The following MYO16 variants were observed in gnomAD, a reference collection of about 807,000 sequenced individuals.
MYO16 encodes the protein myosin XVI.
A neutral mutation model predicts 205.3 loss-of-function variants in MYO16; 94 were observed. The ratio of observed to expected loss-of-function variants is 0.46; its 90% CI spans 0.39 to 0.54. The LOEUF (loss-of-function observed/expected upper bound fraction) is 0.54, where lower values mean the gene tolerates loss of function less well. Ranked by LOEUF, MYO16 falls within the 20% of genes least tolerant of loss-of-function variation. The pLI, the probability that MYO16 is intolerant of heterozygous loss-of-function variation, is 0.00. For synonymous variants in MYO16, 988 were observed against 954.0 expected, an observed-to-expected ratio of 1.04 and a Z score of -0.66; for missense variants, 2,315 against 2,387.5, an observed-to-expected ratio of 0.97 and a Z score of 0.63.
At chr13:108,500,214 TTTTTTTG>T in the MYO16 span, among the ~76,000 whole-genome samples, 4 of 5,678 alleles carry the variant, frequency 7.0e-4, no homozygotes, top group South Asian at 0.021. Flanking sequence ...CTGTTTTTTT[TTTTTTTG>T]TTTTTTTTTT....
At chr13:109,168,603 T>A (rs1439459915) in intron 33 of MYO16, among the ~76,000 whole-genome samples, 2 of 152,100 alleles carry the variant, frequency 1.3e-5, no homozygotes, top group African/African-American at 2.4e-5. Flanking sequence ...TATATGCCTT[T>A]AATCCCGGCG....
At chr13:108,696,044 A>T (rs1176440413) in intron 2 of MYO16, among the ~76,000 whole-genome samples, 1 of 152,240 alleles carries the variant, frequency 6.6e-6, no homozygotes, top group African/African-American at 2.4e-5. Flanking sequence ...GTTTGAATTT[A>T]AAAAATAAGT....
At chr13:109,030,681 A>G (rs554823113) in intron 23 of MYO16, among the ~76,000 whole-genome samples, 2 of 152,192 alleles carry the variant, frequency 1.3e-5, no homozygotes, top group East Asian at 1.9e-4. Flanking sequence ...TGATTCCCAG[A>G]TCTCCACTCT....
chr13:109,032,386 G>C (rs542748470), intron 23 of MYO16, among the ~76,000 whole-genome samples: 6 of 152,042 alleles, frequency 3.9e-5, no homozygotes, highest in Non-Finnish European at 7.3e-5. Flanking sequence ...CCACATCGTC[G>C]CACATATCCC....
At chr13:108,526,966 A>G in the MYO16 span, among the ~76,000 whole-genome samples, 1 of 152,208 alleles carries the variant, frequency 6.6e-6, no homozygotes, top group African/African-American at 2.4e-5. Context: ...TGGAAAGGCA[A>G]TAGAGTCTGC....
chr13:108,603,828 T>C (rs1878854930), intron 1 of MYO16, among the ~76,000 whole-genome samples: 2 of 152,346 alleles, frequency 1.3e-5, no homozygotes, highest in South Asian at 2.1e-4. Context: ...CCAAATCTTT[T>C]TTTCTTAAAC....
At chr13:108,500,494 C>CA in the MYO16 span, among the ~76,000 whole-genome samples, 1 of 152,068 alleles carries the variant, frequency 6.6e-6, no homozygotes, top group Non-Finnish European at 1.5e-5. Flanking sequence ...TCCCAAAGTG[C>CA]TGGGATTACA....
chr13:109,041,987 C>A (rs1392813235), intron 23 of MYO16, among the ~76,000 whole-genome samples: 2 of 152,026 alleles, frequency 1.3e-5, no homozygotes, highest in Non-Finnish European at 2.9e-5. Context: ...GCCTCAGCCT[C>A]CCGAGTAGCT....
At chr13:108,797,073 G>A (rs1886818018) in intron 6 of MYO16, among the ~76,000 whole-genome samples, 2 of 152,122 alleles carry the variant, frequency 1.3e-5, no homozygotes, top group African/African-American at 4.8e-5. Flanking sequence ...AGTGCAATTG[G>A]ACCTCCTAAT....
intron 27 of MYO16, among the ~76,000 whole-genome samples, chr13:109,069,129 G>A (rs1334166038): frequency 2.0e-5 from 3 of 152,134 alleles, no homozygotes; most frequent in Non-Finnish European, 4.4e-5. Context: ...CAATAGCCTC[G>A]ATATCCCTCC....
rs1243134002 is a variant in MYO16 at position 108,844,324 on chromosome 13, T to C, written c.1098-19T>C. On this transcript the variant is annotated intron_variant, in intron 9 of 34. Coordinates refer to ENST00000457511, the MANE Select transcript of MYO16 (RefSeq NM_001198950.3). ...CATTAGAAAGAGACTAATTGTAGTATTGATTTTTTTTCCTGTAGCAGTCCC... is the reference window on the plus strand; with the variant it reads ...CATTAGAAAGAGACTAATTGTAGTACTGATTTTTTTTCCTGTAGCAGTCCC... 6.3e-7 allele frequency: 1 copy of C among 1,599,202 alleles called. No homozygotes were observed. Among genetic ancestry groups the C allele is most frequent in the South Asian group, 1.1e-5 (1 of 89,440 alleles).
chr13:108,910,300 A>G (rs768983162), intron 16 of MYO16, 150 bp downstream of exon 16: 18 of 821,600 alleles, frequency 2.2e-5, no homozygotes, highest in Admixed American at 1.0e-4. Context: ...CATCCACATA[A>G]CAAGGTTCCC....
At chr13:108,814,435 C>A (rs1887388084) in intron 7 of MYO16, among the ~76,000 whole-genome samples, 1 of 151,070 alleles carries the variant, frequency 6.6e-6, no homozygotes, top group Non-Finnish European at 1.5e-5. Context: ...CTTTCATTTT[C>A]TTCTTTCCTT....
Position 109,127,200 on chromosome 13 carries a change from G to T in MYO16, c.3783-82G>T. The stretch of plus-strand genomic sequence containing the variant: ...TTGCCAAAAAGCCGTCATTATGTCT[G>T]CTTGAGCAGGTTCCTTGTTACCGGA... On this transcript the variant is annotated intron_variant, in intron 30 of 34. Coordinates refer to ENST00000457511, the MANE Select transcript of MYO16 (RefSeq NM_001198950.3). This position sits in a 1 kb window ranked among gnomAD's most constrained non-coding sequence, Gnocchi z 4.2. The T allele has an allele frequency of 1.4e-6, 2 of 1,465,190 alleles. No homozygotes were observed. The highest frequency in any genetic ancestry group is 2.3e-5 in the East Asian group (1 of 42,670). The allele number at this position is 1,465,190 out of a possible 1,614,324, so 90.8% of individuals were successfully genotyped here. A position where few individuals can be genotyped will look rare whatever the true frequency, so the allele number is the denominator to read the frequency against.
At chr13:109,018,005 T>C (rs1168672984) in intron 22 of MYO16, among the ~76,000 whole-genome samples, 1 of 152,194 alleles carries the variant, frequency 6.6e-6, no homozygotes. Flanking sequence ...CTTTGTTCTG[T>C]TGCTGGTGAG....
chr13:108,650,509 T>C (rs1000589728), intron 1 of MYO16, among the ~76,000 whole-genome samples: 11 of 152,140 alleles, frequency 7.2e-5, no homozygotes, highest in African/African-American at 4.8e-5. Flanking sequence ...GAATTGAAGA[T>C]GTTGATCAAA....
chr13:108,903,015 C>T (rs760295800), intron 15 of MYO16, among the ~76,000 whole-genome samples: 18 of 152,220 alleles, frequency 1.2e-4, no homozygotes, highest in Non-Finnish European at 2.5e-4. Context: ...AGTGTATCCA[C>T]GATGTCTCCG....
intron 7 of MYO16, 120 bp downstream of exon 7, chr13:108,806,924 T>A (rs542411424): frequency 1.4e-6 from 1 of 730,022 alleles, no homozygotes; most frequent in Non-Finnish European, 1.9e-6. Flanking sequence ...TGACTTTTAA[T>A]AGTGTCTTCT....
intron 4 of MYO16, among the ~76,000 whole-genome samples, chr13:108,776,338 C>G (rs1886124649): frequency 6.6e-6 from 1 of 152,132 alleles, no homozygotes; most frequent in African/African-American, 2.4e-5. Flanking sequence ...GAGGTGGATA[C>G]AGAGAGACAC....
Sources: gnomAD v4.1 joint callset for allele counts (sites outside exome capture counted in the v4.1 genomes callset) on GRCh38, gnomAD v4.1.1 for gene constraint, Gnocchi (gnomAD v3.1) non-coding constraint, MANE v1.5 for transcripts, NCBI Gene and HGNC (gene_info 2026-07-23, HGNC 2026-07-21) for gene names.